The following GALNT16 variants were observed in gnomAD, a reference collection of about 807,000 sequenced individuals.
GALNT16 encodes the protein UDP-GalNAc:polypeptide N-acetylgalactosaminyltransferase-like protein 1.
A neutral mutation model predicts 76.1 loss-of-function variants in GALNT16; 40 were observed. The ratio of observed to expected loss-of-function variants is 0.53; its 90% CI spans 0.41 to 0.68. The LOEUF (loss-of-function observed/expected upper bound fraction) is 0.68. Among genes scored for constraint, GALNT16 ranks in the 30% least tolerant of loss-of-function variants. The pLI is 0.00. For synonymous variants in GALNT16, 276 were observed against 285.2 expected (o/e 0.97, Z 0.32); for missense variants, 621 against 731.9 (o/e 0.85, Z 1.75).
intron 1 of GALNT16, among the ~76,000 whole-genome samples, chr14:69,267,883 C>A (rs73290563): frequency 1.6e-4 from 24 of 152,120 alleles, no homozygotes; most frequent in African/African-American, 5.8e-4. Context: ...ACTTCTCCCG[C>A]GAAAGTGAGG....
chr14:69,264,510 C>T (rs916082730), intron 1 of GALNT16, among the ~76,000 whole-genome samples: 2 of 152,092 alleles, frequency 1.3e-5, no homozygotes, highest in African/African-American at 4.8e-5. Flanking sequence ...GCAGGAAGCC[C>T]CCACTTACCT....
At chr14:69,305,169 CTT>C (rs554703143) in intron 1 of GALNT16, among the ~76,000 whole-genome samples, 53 of 127,244 alleles carry the variant, frequency 4.2e-4, no homozygotes, top group Admixed American at 8.9e-4. Flanking sequence ...CGACAAGTAT[CTT>C]TTTTTTTTTT....
chr14:69,276,956 C>T (rs548040216), intron 1 of GALNT16, among the ~76,000 whole-genome samples: 1 of 152,242 alleles, frequency 6.6e-6, no homozygotes, highest in East Asian at 1.9e-4. Flanking sequence ...ACTGTGGTCA[C>T]TTGCCTGGAG....
At chr14:69,377,403 G>C in the GALNT16 span, among the ~76,000 whole-genome samples, 1 of 152,076 alleles carries the variant, frequency 6.6e-6, no homozygotes, top group Non-Finnish European at 1.5e-5. Flanking sequence ...CTATCTCAAA[G>C]GGTTGCTGTG....
At chr14:69,290,715 C>A (rs2044677851) in intron 1 of GALNT16, among the ~76,000 whole-genome samples, 1 of 152,214 alleles carries the variant, frequency 6.6e-6, no homozygotes, top group Non-Finnish European at 1.5e-5. Flanking sequence ...GGCTTGGAAC[C>A]ATCTCAGTCC....
intron 1 of GALNT16, among the ~76,000 whole-genome samples, chr14:69,291,666 C>T (rs1333836114): frequency 1.3e-5 from 2 of 152,218 alleles, no homozygotes; most frequent in South Asian, 2.1e-4. Flanking sequence ...AGACAATCCT[C>T]GCCTCTGCCA....
chr14:69,323,473 G>A (rs971580274), intron 2 of GALNT16, among the ~76,000 whole-genome samples: 6 of 152,188 alleles, frequency 3.9e-5, no homozygotes, highest in Admixed American at 1.3e-4. Context: ...TCTGGGCACC[G>A]GATGGTTGGG....
chr14:69,328,132 C>G (rs1245298066), intron 5 of GALNT16, among the ~76,000 whole-genome samples: 1 of 152,104 alleles, frequency 6.6e-6, no homozygotes, highest in Non-Finnish European at 1.5e-5. Context: ...TCTGGTTCTC[C>G]TTTGGGATCA....
At chr14:69,357,792 T>C (rs1240432413), downstream of GALNT16, 1 of 152,286 alleles carries the variant, frequency 6.6e-6, no homozygotes, top group Non-Finnish European at 1.5e-5. Flanking sequence ...TGTAGACCTG[T>C]ATGCTCCTGG....
chr14:69,345,418 C>T (rs1414560570), intron 12 of GALNT16, among the ~76,000 whole-genome samples: 1 of 152,180 alleles, frequency 6.6e-6, no homozygotes, highest in Admixed American at 6.5e-5. Flanking sequence ...GGCTTCTAGC[C>T]ACCCCTGAGG....
At chr14:69,295,399 A>T (rs2044745319) in intron 1 of GALNT16, among the ~76,000 whole-genome samples, 1 of 141,802 alleles carries the variant, frequency 7.1e-6, no homozygotes, top group Non-Finnish European at 1.5e-5. Context: ...TGAGGGACAA[A>T]GTGAGACTCT....
At chr14:69,365,084 C>T in the GALNT16 span, among the ~76,000 whole-genome samples, 1 of 152,098 alleles carries the variant, frequency 6.6e-6, no homozygotes, top group African/African-American at 2.4e-5. Flanking sequence ...TTCTGTAAAC[C>T]ACTTACTCTT....
rs1220746456 is a variant in GALNT16, at chr14:69,261,677, G to T, written c.177+1210G>T. 6.6e-6 allele frequency among the ~76,000 whole-genome samples: 1 copy of T among 152,168 alleles called. No individual in the cohort carries two copies. Among genetic ancestry groups the T allele is most frequent in the Non-Finnish European group, 1.5e-5 (1 of 68,022 alleles). On this transcript the variant is annotated intron_variant, in intron 1 of 14. Coordinates refer to ENST00000448469, the MANE Select transcript of GALNT16 (RefSeq NM_001168368.2). This position sits in a 1 kb window ranked among gnomAD's most constrained non-coding sequence, Gnocchi z 6.4. ...AATCCGAGAAACGCATCCAGACGCG[G>T]ATCTGAACCCCAGGAATATCGGGAA...
chr14:69,283,426 C>T (rs550649538), intron 1 of GALNT16, among the ~76,000 whole-genome samples: 2 of 152,306 alleles, frequency 1.3e-5, no homozygotes, highest in East Asian at 3.9e-4. Context: ...TCATAGTCTG[C>T]ATCACCCATG....
At chr14:69,300,820 C>T (rs536499176) in intron 1 of GALNT16, among the ~76,000 whole-genome samples, 38 of 152,300 alleles carry the variant, frequency 2.5e-4, no homozygotes, top group African/African-American at 8.4e-4. Context: ...CTCCCCTCCC[C>T]GCCCCATCCC....
the GALNT16 span, among the ~76,000 whole-genome samples, chr14:69,380,978 TA>T: frequency 1.3e-5 from 2 of 152,318 alleles, no homozygotes; most frequent in South Asian, 4.1e-4. Flanking sequence ...CTTTAGTGAT[TA>T]AAAAACAACA....
intron 1 of GALNT16, among the ~76,000 whole-genome samples, chr14:69,281,915 A>G (rs114755936): frequency 0.015 from 2,231 of 152,318 alleles, 61 homozygotes; most frequent in African/African-American, 0.051. Flanking sequence ...GTCATTAAAG[A>G]AACAACACTC....
chr14:69,284,238 C>T (rs556818286), intron 1 of GALNT16, among the ~76,000 whole-genome samples: 100 of 152,330 alleles, frequency 6.6e-4, no homozygotes, highest in African/African-American at 2.2e-3. Context: ...ACTTCAATGC[C>T]AGCAGCCAGG....
At chr14:69,347,215 G>A (rs1157546931) in intron 13 of GALNT16, 34 bp downstream of exon 13, 1 of 1,563,138 alleles carries the variant, frequency 6.4e-7, no homozygotes, top group Non-Finnish European at 8.7e-7. Flanking sequence ...GAGTGGGAGA[G>A]AGCTGGAGGC....
Sources: allele counts gnomAD v4.1 joint callset (sites outside exome capture counted in the v4.1 genomes callset), GRCh38; gene constraint gnomAD v4.1.1; non-coding constraint Gnocchi (gnomAD v3.1); transcripts MANE v1.5; gene names NCBI Gene and HGNC (gene_info 2026-07-23, HGNC 2026-07-21).